Variants in PTPRO observed in about 807,000 individuals in gnomAD.
PTPRO encodes the protein protein tyrosine phosphatase receptor type O.
A neutral mutation model predicts 145.2 loss-of-function variants in PTPRO; 62 were observed. The ratio of observed to expected loss-of-function variants is 0.43; its 90% CI spans 0.35 to 0.53. The LOEUF (loss-of-function observed/expected upper bound fraction) is 0.53. Ranked by LOEUF, PTPRO falls within the 20% of genes least tolerant of loss-of-function variation. The pLI, the probability that PTPRO is intolerant of heterozygous loss-of-function variation, is 0.01. For synonymous variants in PTPRO, 565 were observed against 514.7 expected (o/e 1.10, Z -1.32); for missense variants, 1,345 against 1,482.7 (o/e 0.91, Z 1.53).
At chr12:15,338,580 T>C (rs1022592754) in intron 1 of PTPRO, among the ~76,000 whole-genome samples, 9 of 152,144 alleles carry the variant, frequency 5.9e-5, no homozygotes, top group Non-Finnish European at 1.0e-4. Flanking sequence ...CCTTCATAAT[T>C]CCCACAACAT....
intron 1 of PTPRO, among the ~76,000 whole-genome samples, chr12:15,423,786 G>A (rs991069109): frequency 6.6e-6 from 1 of 152,086 alleles, no homozygotes; most frequent in Non-Finnish European, 1.5e-5. Flanking sequence ...CCTAGCCATC[G>A]CTTTTGCCTG....
chr12:15,384,692 A>G (rs887301046), intron 1 of PTPRO, among the ~76,000 whole-genome samples: 1 of 152,206 alleles, frequency 6.6e-6, no homozygotes, highest in African/African-American at 2.4e-5. Flanking sequence ...ATTTGAGAGG[A>G]ACACAATTTA....
chr12:15,546,236 C>A, intron 12 of PTPRO: 3 of 815,698 alleles, frequency 3.7e-6, no homozygotes, highest in Non-Finnish European at 3.1e-6. Context: ...GTTTCTCATC[C>A]AGGAAGTTCT....
At chr12:15,533,821 G>C (rs1029582481) in intron 12 of PTPRO, among the ~76,000 whole-genome samples, 22 of 152,044 alleles carry the variant, frequency 1.4e-4, no homozygotes, top group African/African-American at 5.3e-4. Flanking sequence ...GTTAAAGCTG[G>C]GGCCGTAACT....
At position 15,417,406 on chromosome 12, in the gene PTPRO, A is replaced by G. The variant is rs555302052; in HGVS notation, c.76-66568A>G. 1.1e-3 allele frequency among the ~76,000 whole-genome samples: 161 copies of G among 151,770 alleles called. 1 individual carries two copies. The highest frequency in any genetic ancestry group is 2.0e-3 in the Non-Finnish European group (139 of 68,032). On this transcript the variant is annotated intron_variant, in intron 1 of 26. Transcript: ENST00000281171. ...TCTGAACACAAACAGCTTGAAAACA[A>G]TAATTGGATAGATGGTCTTTAATTC...
chr12:15,440,118 C>A (rs1940719925), intron 1 of PTPRO: 3 of 641,308 alleles, frequency 4.7e-6, no homozygotes, highest in Non-Finnish European at 8.5e-6. Context: ...ATCCCTGAGT[C>A]CAGGAACATT....
At chr12:15,584,284 T>C (rs929743527) in intron 23 of PTPRO, among the ~76,000 whole-genome samples, 1 of 152,240 alleles carries the variant, frequency 6.6e-6, no homozygotes, top group Non-Finnish European at 1.5e-5. Context: ...GAGAAAATAT[T>C]TGTCAATCCA....
intron 1 of PTPRO, among the ~76,000 whole-genome samples, chr12:15,476,152 T>TGTG (rs1410830199): frequency 1.3e-5 from 2 of 152,174 alleles, no homozygotes; most frequent in East Asian, 1.9e-4. Context: ...TTGTTGTTGC[T>TGTG]GTGGTGGTGG....
rs969011765 is a variant in PTPRO at position 15,565,582 on chromosome 12, T to G, written c.2712-11T>G. 6.9e-7 allele frequency: 1 copy of G among 1,448,176 alleles called. No homozygotes were observed. Among genetic ancestry groups the G allele is most frequent in the African/African-American group, 1.4e-5 (1 of 71,320 alleles). The allele number at this position is 1,448,176 out of a possible 1,614,324, so 89.7% of individuals were successfully genotyped here. A position where few individuals can be genotyped will look rare whatever the true frequency, so the allele number is the denominator to read the frequency against. On this transcript the variant is annotated splice_polypyrimidine_tract_variant and intron_variant, in intron 17 of 26. Coordinates refer to ENST00000281171, the MANE Select transcript of PTPRO (RefSeq NM_030667.3). ...CCCAGATAAATTTGTCTTTTCTTTT[T>G]TAATTATCAGGAGTAAAAATGGTTT...
At chr12:15,524,590 G>C (rs1314414398) in intron 10 of PTPRO, among the ~76,000 whole-genome samples, 1 of 152,050 alleles carries the variant, frequency 6.6e-6, no homozygotes, top group Non-Finnish European at 1.5e-5. Context: ...TGGGTCTGGG[G>C]GTCTTGTATC....
chr12:15,405,341 C>G (rs551282220), intron 1 of PTPRO, among the ~76,000 whole-genome samples: 2 of 151,946 alleles, frequency 1.3e-5, no homozygotes, highest in African/African-American at 4.8e-5. Flanking sequence ...TGCTTATTTG[C>G]CTGCATTAAG....
intron 13 of PTPRO, 100 bp from the exon 14 acceptor site, chr12:15,548,994 T>G (rs1331903016): frequency 1.8e-5 from 24 of 1,316,490 alleles, no homozygotes; most frequent in Non-Finnish European, 2.5e-5. Context: ...CTTATACATT[T>G]TTTACTCTGT....
chr12:15,348,614 G>C (rs539439176), intron 1 of PTPRO: 1 of 152,058 alleles, frequency 6.6e-6, no homozygotes, highest in Admixed American at 6.6e-5. Context: ...GTGAAACCCC[G>C]TCTCTACTAA....
chr12:15,423,131 T>C (rs1940192236), intron 1 of PTPRO, among the ~76,000 whole-genome samples: 2 of 152,122 alleles, frequency 1.3e-5, no homozygotes, highest in Admixed American at 6.6e-5. Flanking sequence ...GGCCAACTGG[T>C]GGAAAGTCCC....
rs565532761 is a variant in PTPRO, at chr12:15,413,661, G to A, written c.76-70313G>A. 2.0e-5 allele frequency among the ~76,000 whole-genome samples: 3 copies of A among 151,746 alleles called. 1 individual carries two copies. Among genetic ancestry groups the A allele is most frequent in the African/African-American group, 7.2e-5 (3 of 41,444 alleles). Reference sequence around the variant, plus strand: ...AAAACCCTGTCTCTACTAAAAATACGAAAATTAGCCAGGCATGGTAGCGCA... The same window carrying A: ...AAAACCCTGTCTCTACTAAAAATACAAAAATTAGCCAGGCATGGTAGCGCA... On this transcript the variant is annotated intron_variant, in intron 1 of 26. Coordinates refer to ENST00000281171, the MANE Select transcript of PTPRO (RefSeq NM_030667.3).
In PTPRO at chr12:15,484,017, T is replaced by C; in HGVS notation, c.119T>C (p.Ile40Thr). The C allele has an allele frequency of 1.2e-6, 2 of 1,613,656 alleles. No homozygotes were observed. The highest frequency in any genetic ancestry group is 1.7e-6 in the Non-Finnish European group (2 of 1,179,592). ...FHVTVQDDNNIVVSLEASDVI... is the reference protein window; with the variant it reads ...FHVTVQDDNNTVVSLEASDVI... ...GTAACTGTCCAAGATGATAATAACA[T>C]CGTTGTCTCATTAGAAGCTTCAGAC... is the stretch of plus-strand genomic sequence containing the variant. The change falls in exon 2 of 27, where the codon ATC becomes ACC. Residue 40 changes from isoleucine to threonine, a missense_variant. By Grantham distance (89) the Ile-to-Thr change is moderately conservative. Coordinates refer to ENST00000281171, the MANE Select transcript of PTPRO (RefSeq NM_030667.3).
chr12:15,483,958 C>G lies in PTPRO; in HGVS notation c.76-16C>G, dbSNP rs377391278. On this transcript the variant is annotated splice_polypyrimidine_tract_variant and intron_variant, in intron 1 of 26. Transcript: ENST00000281171. ...AATATAACCTCCATCTCTTTTTATT[C>G]TGTTTCATTCAACAGAATGCTACAG... 8.4e-5 allele frequency: 135 copies of G among 1,610,852 alleles called. No homozygotes were observed. The African/African-American group carries it at 1.6e-3, about 19-fold the overall frequency.
intron 12 of PTPRO, among the ~76,000 whole-genome samples, chr12:15,533,157 TGTCTCC>T (rs2136542389): frequency 6.6e-6 from 1 of 152,306 alleles, no homozygotes; most frequent in East Asian, 1.9e-4. Flanking sequence ...GGAGTCTCCA[TGTCTCC>T]CTGATAATAG....
intron 1 of PTPRO, among the ~76,000 whole-genome samples, chr12:15,347,341 T>C (rs1298155456): frequency 2.0e-5 from 3 of 152,214 alleles, no homozygotes; most frequent in Admixed American, 6.5e-5. Context: ...GATATGTCTA[T>C]TATTAATTAA....
Sources: gnomAD v4.1 joint callset for allele counts (sites outside exome capture counted in the v4.1 genomes callset) on GRCh38, gnomAD v4.1.1 for gene constraint, MANE v1.5 for transcripts, NCBI Gene and HGNC (gene_info 2026-07-23, HGNC 2026-07-21) for gene names.